The following CFAP43 variants were observed in gnomAD, a reference collection of about 807,000 sequenced individuals.
CFAP43 encodes cilia- and flagella-associated protein 43.
Under a neutral mutation model 218.9 loss-of-function variants are expected in CFAP43, and 155 were observed. That is an observed-to-expected ratio of 0.71 (90% confidence interval 0.62 to 0.81). CFAP43 has a LOEUF of 0.81. CFAP43 is among the 30% of genes least tolerant of loss of function. The pLI is 0.00. For synonymous variants in CFAP43, 645 were observed against 681.3 expected (o/e 0.95, Z 0.83); for missense variants, 1,778 against 1,954.3 (o/e 0.91, Z 1.70).
intron 34 of CFAP43, among the ~76,000 whole-genome samples, chr10:104,135,523 T>C (rs1051842012): frequency 6.6e-6 from 1 of 152,126 alleles, no homozygotes; most frequent in Admixed American, 6.6e-5. Flanking sequence ...AATACATAAA[T>C]TTGGCAAAGT....
chr10:104,185,261 G>T, intron 15 of CFAP43, 115 bp from the exon 16 acceptor site: 2 of 1,372,294 alleles, frequency 1.5e-6, no homozygotes, highest in Non-Finnish European at 2.0e-6. Flanking sequence ...TTTGCTAACA[G>T]CATTTTAATT....
intron 3 of CFAP43, among the ~76,000 whole-genome samples, chr10:104,214,725 C>T (rs947118223): frequency 2.0e-5 from 3 of 152,206 alleles, no homozygotes; most frequent in African/African-American, 7.2e-5. Context: ...AATATATCAT[C>T]ACATTTGCTA....
In CFAP43 at chr10:104,166,516, T is replaced by C; in HGVS notation, c.3011A>G (p.Glu1004Gly). 6.2e-7 allele frequency: 1 copy of C among 1,613,282 alleles called. No homozygotes were observed. The highest frequency in any genetic ancestry group is 8.5e-7 in the Non-Finnish European group (1 of 1,179,806). ...CAATAATATAATTTGGTTGATTTTC[T>C]CTTCTCTGGAATGAAGCTCCAATTG... is the stretch of plus-strand genomic sequence containing the variant. The part of the protein sequence containing the change: ...SSQLELHSRE[E>G]KINQIILLKD... The change falls in exon 23 of 38, where the codon GAG becomes GGG. Residue 1004 changes from glutamate (E) to glycine (G), a missense_variant. Glu to Gly is a moderately conservative substitution (Grantham distance 98). Transcript: ENST00000357060.
In CFAP43 at chr10:104,193,871, G is replaced by C; in HGVS notation, c.1437C>G (p.His479Gln). ...KAFLSESSVQ[H>Q]VVYDQQGIFL... ...TGGAGGCAGAAAGGACTTACACGAC[G>C]TGCTGCACGGACGATTCCGAGAGAA... Residue 479 changes from histidine (H) to glutamine (Q), a missense_variant, in exon 11 of 38, where the codon CAC becomes CAG. His to Gln is a conservative substitution (Grantham distance 24). Coordinates refer to ENST00000357060, the MANE Select transcript of CFAP43 (RefSeq NM_025145.7). 1 of 1,614,056 alleles carries C rather than the reference G, an allele frequency of 6.2e-7. No homozygotes were observed. Among genetic ancestry groups the C allele is most frequent in the Non-Finnish European group, 8.5e-7 (1 of 1,179,944 alleles).
intron 20 of CFAP43, among the ~76,000 whole-genome samples, chr10:104,170,393 C>A (rs1276121497): frequency 8.6e-5 from 13 of 152,018 alleles, no homozygotes; most frequent in Non-Finnish European, 1.9e-4. Flanking sequence ...GTAAATAGTT[C>A]AGTGGGCCAG....
At chr10:104,176,557 T>C (rs947292074) in intron 19 of CFAP43, among the ~76,000 whole-genome samples, 5 of 152,340 alleles carry the variant, frequency 3.3e-5, no homozygotes, top group Admixed American at 1.3e-4. Context: ...TATACTTTTC[T>C]AGAAAATATT....
intron 2 of CFAP43, among the ~76,000 whole-genome samples, chr10:104,226,256 G>T (rs2091302634): frequency 6.6e-6 from 1 of 152,148 alleles, no homozygotes; most frequent in Non-Finnish European, 1.5e-5. Context: ...TTGTATGTTT[G>T]TGTCTCTATT....
At chr10:104,162,205 C>T in intron 25 of CFAP43, 112 bp downstream of exon 25, 1 of 1,249,390 alleles carries the variant, frequency 8.0e-7, no homozygotes, top group Non-Finnish European at 1.2e-6. Flanking sequence ...AACTGAGATT[C>T]AAGTGACCTC....
intron 19 of CFAP43, among the ~76,000 whole-genome samples, chr10:104,175,779 C>T (rs1011688574): frequency 6.6e-6 from 1 of 152,124 alleles, no homozygotes; most frequent in Non-Finnish European, 1.5e-5. Flanking sequence ...ACTGAATGTG[C>T]GTTGCTTTTG....
At chr10:104,172,794 A>G (rs2089464663) in intron 19 of CFAP43, among the ~76,000 whole-genome samples, 1 of 152,172 alleles carries the variant, frequency 6.6e-6, no homozygotes, top group Non-Finnish European at 1.5e-5. Context: ...ATATTAAAGC[A>G]CTGTTGCTAG....
Position 104,187,353 on chromosome 10 carries a change from C to A in CFAP43, c.1827G>T (p.Val609=). The change falls in exon 14 of 38, where the codon GTG becomes GTT. Residue 609 remains valine (V), a synonymous_variant. Transcript: ENST00000357060. The stretch of plus-strand genomic sequence containing the variant: ...GAAGAAGGTAGCTACAGATGTATGG[C>A]ACTTGACTACAGAAGCCATATATTT... ...SNQIYGFCSQ[V]PYICSYLLPE... is the part of the protein sequence containing the mutation. The A allele has an allele frequency of 6.2e-7, 1 of 1,608,426 alleles. No individual in the cohort carries two copies. Among genetic ancestry groups the A allele is most frequent in the Non-Finnish European group, 8.5e-7 (1 of 1,178,478 alleles).
chr10:104,148,485 G>A (rs1370033500), intron 28 of CFAP43, among the ~76,000 whole-genome samples: 1 of 152,202 alleles, frequency 6.6e-6, no homozygotes, highest in Non-Finnish European at 1.5e-5. Context: ...CCCTGGTGCT[G>A]TAGGTGGGGC....
intron 7 of CFAP43, among the ~76,000 whole-genome samples, chr10:104,204,856 C>T (rs1377342676): frequency 2.6e-5 from 4 of 152,124 alleles, no homozygotes; most frequent in Non-Finnish European, 5.9e-5. Context: ...ACAACTAGAC[C>T]TATGTTTTAG....
At chr10:104,159,756 G>A (rs940010600) in intron 27 of CFAP43, among the ~76,000 whole-genome samples, 1 of 152,156 alleles carries the variant, frequency 6.6e-6, no homozygotes, top group Non-Finnish European at 1.5e-5. Context: ...GATGCGCAAC[G>A]GGTGTGAAAT....
At chr10:104,214,698 C>G (rs61111654) in intron 3 of CFAP43, among the ~76,000 whole-genome samples, 156 of 152,240 alleles carry the variant, frequency 1.0e-3, no homozygotes, top group African/African-American at 3.7e-3. Flanking sequence ...TTTAACTCAG[C>G]CAAACCTAGA....
chr10:104,211,323 T>C (rs932130601), intron 5 of CFAP43, among the ~76,000 whole-genome samples: 7 of 152,190 alleles, frequency 4.6e-5, no homozygotes, highest in African/African-American at 1.4e-4. Flanking sequence ...TCCATGAGAA[T>C]TACATGGAGC....
At chr10:104,201,392 T>C (rs1371122102) in intron 8 of CFAP43, among the ~76,000 whole-genome samples, 1 of 152,158 alleles carries the variant, frequency 6.6e-6, no homozygotes, top group East Asian at 1.9e-4. Flanking sequence ...TGCATTTCAT[T>C]TTCTTTCTCT....
intron 19 of CFAP43, among the ~76,000 whole-genome samples, chr10:104,176,975 G>A (rs968401816): frequency 5.9e-5 from 9 of 152,002 alleles, no homozygotes; most frequent in Admixed American, 3.9e-4. Flanking sequence ...AAGGAAATAG[G>A]CAAAGAATAT....
At chr10:104,188,837 A>G (rs908373967) in intron 12 of CFAP43, among the ~76,000 whole-genome samples, 1 of 152,134 alleles carries the variant, frequency 6.6e-6, no homozygotes, top group Non-Finnish European at 1.5e-5. Context: ...TGTGGTGGAA[A>G]CGTGACTTTA....
Sources: allele counts gnomAD v4.1 joint callset (sites outside exome capture counted in the v4.1 genomes callset), GRCh38; gene constraint gnomAD v4.1.1; transcripts MANE v1.5; gene names NCBI Gene and HGNC (gene_info 2026-07-23, HGNC 2026-07-21).